Variants in SCNN1B observed in about 807,000 individuals in gnomAD.
SCNN1B encodes the protein sodium channel epithelial 1 subunit beta, also known as epithelial sodium channel subunit beta.
A neutral mutation model predicts 65.3 loss-of-function variants in SCNN1B; 46 were observed. That is an observed-to-expected ratio of 0.70 (90% CI 0.56 to 0.90). The LOEUF is 0.90. SCNN1B is among the 40% of genes least tolerant of loss of function. The pLI is 0.00. For missense variants in SCNN1B, 751 were observed against 830.5 expected (o/e 0.90, Z 1.18); for synonymous variants, 349 against 330.6 (o/e 1.06, Z -0.60).
At chr16:23,303,791 T>A (rs1477460384) in intron 1 of SCNN1B, among the ~76,000 whole-genome samples, 1 of 149,474 alleles carries the variant, frequency 6.7e-6, no homozygotes, top group East Asian at 1.9e-4. Flanking sequence ...TAGTGGTATG[T>A]GCCTGTAATC....
At chr16:23,282,899 A>G (rs1269324089) in intron 1 of SCNN1B, among the ~76,000 whole-genome samples, 2 of 152,216 alleles carry the variant, frequency 1.3e-5, no homozygotes, top group African/African-American at 4.8e-5. Context: ...GCTCTGCAAG[A>G]AACAGTCCTT....
intron 4 of SCNN1B, among the ~76,000 whole-genome samples, chr16:23,363,701 C>T (rs1962595924): frequency 6.6e-6 from 1 of 152,006 alleles, no homozygotes; most frequent in Admixed American, 6.6e-5. Context: ...GTAGTCCCAG[C>T]TACTCAGGAG....
Position 23,348,813 on chromosome 16 carries a change from A to C in SCNN1B, c.214A>C (p.Arg72=), listed in dbSNP as rs1962244432. Residue 72 remains arginine (R), a synonymous_variant, in exon 2 of 13, where the codon AGG becomes CGG. Transcript: ENST00000343070. This position sits in a 1 kb window ranked among gnomAD's most constrained non-coding sequence, Gnocchi z 4.5. ...LVCWQWGIFI[R]TYLSWEVSVS... is the part of the protein sequence containing the mutation. ...CTGCTGGCAGTGGGGCATCTTCATCAGGACCTACTTGAGCTGGGAGGTCAG... is the reference window on the plus strand; with the variant it reads ...CTGCTGGCAGTGGGGCATCTTCATCCGGACCTACTTGAGCTGGGAGGTCAG... The C allele has an allele frequency of 6.2e-7, 1 of 1,614,022 alleles. No individual in the cohort carries two copies. Among genetic ancestry groups the C allele is most frequent in the Admixed American group, 1.7e-5 (1 of 59,990 alleles).
intron 1 of SCNN1B, among the ~76,000 whole-genome samples, chr16:23,308,748 TCAG>T (rs751953668): frequency 6.6e-6 from 1 of 152,210 alleles, no homozygotes; most frequent in African/African-American, 2.4e-5. Context: ...TTCTCCTGCC[TCAG>T]CTTCCCAAGT....
intron 1 of SCNN1B, among the ~76,000 whole-genome samples, chr16:23,307,159 T>C (rs935363938): frequency 2.0e-5 from 3 of 152,142 alleles, no homozygotes; most frequent in African/African-American, 7.2e-5. Context: ...AAAGTGGAAC[T>C]AGTACTAAAA....
chr16:23,279,127 A>G (rs563513564), intron 1 of SCNN1B, among the ~76,000 whole-genome samples: 1 of 151,652 alleles, frequency 6.6e-6, no homozygotes, highest in African/African-American at 2.4e-5. Flanking sequence ...CCCAGGCTGG[A>G]GTGCAGTGGA....
chr16:23,308,770 T>C (rs1190797643), intron 1 of SCNN1B, among the ~76,000 whole-genome samples: 1 of 152,126 alleles, frequency 6.6e-6, no homozygotes, highest in East Asian at 1.9e-4. Flanking sequence ...GTAGCTGGGA[T>C]TACAGGTGCC....
At chr16:23,343,579 AAG>A (rs1169447647) in intron 1 of SCNN1B, among the ~76,000 whole-genome samples, 8 of 99,610 alleles carry the variant, frequency 8.0e-5, no homozygotes, top group Non-Finnish European at 1.3e-4. Context: ...AAGAAAGAAA[AAG>A]AGAAAGAAAG....
intron 2 of SCNN1B, among the ~76,000 whole-genome samples, chr16:23,289,300 A>T (rs1960891633): frequency 6.6e-6 from 1 of 152,156 alleles, no homozygotes; most frequent in South Asian, 2.1e-4. Context: ...CATGCCTGTA[A>T]TCCCAGTGCT....
chr16:23,363,425 T>A (rs1020392057), intron 4 of SCNN1B, among the ~76,000 whole-genome samples: 1 of 152,230 alleles, frequency 6.6e-6, no homozygotes, highest in African/African-American at 2.4e-5. Context: ...GCTCTTGACC[T>A]CTGAGCTCTT....
At chr16:23,281,604 G>A (rs1410904916) in intron 1 of SCNN1B, among the ~76,000 whole-genome samples, 2 of 152,132 alleles carry the variant, frequency 1.3e-5, no homozygotes, top group African/African-American at 2.4e-5. Flanking sequence ...GAATAGATAA[G>A]GGTTTTTACA....
chr16:23,289,293 G>C (rs1173962881), intron 2 of SCNN1B, among the ~76,000 whole-genome samples: 4 of 152,184 alleles, frequency 2.6e-5, no homozygotes, highest in Non-Finnish European at 5.9e-5. Context: ...GGTAGCTCAT[G>C]CCTGTAATCC....
At chr16:23,375,083 G>A (rs987960240) in intron 7 of SCNN1B, among the ~76,000 whole-genome samples, 8 of 152,056 alleles carry the variant, frequency 5.3e-5, no homozygotes, top group Non-Finnish European at 5.9e-5. Flanking sequence ...AACCAGGTCA[G>A]AATGACCTGA....
rs1239821543 is a variant in SCNN1B at position 23,304,994 on chromosome 16, G to C, written c.-9+2557G>C. On this transcript the variant is annotated intron_variant, in intron 1 of 12. Transcript: ENST00000343070. ...GAGACCTGGAGATGGCCCTTGGGTG[G>C]TGGGGGGACGCAGGGGTGATGCCTA... Among the ~76,000 whole-genome samples, 3 of 152,096 alleles carry C rather than the reference G, an allele frequency of 2.0e-5. No individual in the cohort carries two copies. The East Asian group carries it at 5.8e-4, about 29-fold the overall frequency.
At chr16:23,359,356 G>C (rs371629496) in intron 4 of SCNN1B, 1 of 152,268 alleles carries the variant, frequency 6.6e-6, no homozygotes, top group South Asian at 2.1e-4. Context: ...TCATCAGAAA[G>C]GGTGATCGTC....
intron 4 of SCNN1B, among the ~76,000 whole-genome samples, chr16:23,356,845 C>T (rs1962431646): frequency 6.6e-6 from 1 of 152,112 alleles, no homozygotes; most frequent in South Asian, 2.1e-4. Flanking sequence ...GGTGTTGTCC[C>T]AGTCTCTAGG....
chr16:23,379,856 G>A (rs1043198698), intron 11 of SCNN1B, among the ~76,000 whole-genome samples: 9 of 152,194 alleles, frequency 5.9e-5, no homozygotes, highest in African/African-American at 2.2e-4. Context: ...GTTCTCGTTT[G>A]GACCTCCCCA....
At chr16:23,377,080 G>T in intron 8 of SCNN1B, 85 bp from the exon 9 acceptor site, 1 of 1,233,578 alleles carries the variant, frequency 8.1e-7, no homozygotes. Flanking sequence ...GGAGAGCAGA[G>T]GGGCCAGCCA....
At chr16:23,378,657 G>T (rs1962964593) in intron 10 of SCNN1B, 49 bp from the exon 11 acceptor site, 2 of 1,558,760 alleles carry the variant, frequency 1.3e-6, no homozygotes, top group Non-Finnish European at 1.8e-6. Flanking sequence ...CCATGACTGG[G>T]AGGGATGCTG....
Sources: gnomAD v4.1 joint callset for allele counts (sites outside exome capture counted in the v4.1 genomes callset) on GRCh38, gnomAD v4.1.1 for gene constraint, Gnocchi (gnomAD v3.1) non-coding constraint, MANE v1.5 for transcripts, NCBI Gene and HGNC (gene_info 2026-07-23, HGNC 2026-07-21) for gene names.